KCNH7: variants seen among roughly 807,000 people sequenced by gnomAD.
KCNH7 encodes the protein potassium voltage-gated channel subfamily H member 7.
In KCNH7, 49 loss-of-function variants were observed where a neutral mutation model predicts 120.8. The ratio of observed to expected loss-of-function variants is 0.41; its 90% CI spans 0.32 to 0.51. KCNH7 has a LOEUF of 0.51. Among genes scored for constraint, KCNH7 ranks in the 20% least tolerant of loss-of-function variants. The probability of loss-of-function intolerance (pLI) is 0.38; values close to 1 mark genes in which losing one functional copy is unlikely to be tolerated. For missense variants in KCNH7, 1,097 were observed against 1,446.6 expected, an observed-to-expected ratio of 0.76 and a Z score of 3.92; for synonymous variants, 547 against 516.1, an observed-to-expected ratio of 1.06 and a Z score of -0.81.
rs550092608 is a variant in KCNH7, at chr2:162,736,616, T to C, written c.307+99921A>G. On this transcript the variant is annotated intron_variant, in intron 2 of 15. Coordinates refer to ENST00000332142, the MANE Select transcript of KCNH7 (RefSeq NM_033272.4). ...TACAGCTCACCTATTATAGGTGATG[T>C]GATGCCTTCTAATAACAGGGATTGC... Among the ~76,000 whole-genome samples the C allele has an allele frequency of 8.5e-5, 13 of 152,316 alleles. No homozygotes were observed. In the South Asian group the frequency reaches 1.4e-3, roughly 17 times the overall value.
At chr2:162,446,999 A>G (rs1245741274) in intron 6 of KCNH7, among the ~76,000 whole-genome samples, 2 of 152,126 alleles carry the variant, frequency 1.3e-5, no homozygotes. Context: ...GAAAAAAGGC[A>G]AATGAGATTA....
chr2:162,393,154 T>C (rs1395729777), intron 12 of KCNH7, among the ~76,000 whole-genome samples: 2 of 151,996 alleles, frequency 1.3e-5, no homozygotes, highest in Non-Finnish European at 2.9e-5. Flanking sequence ...CTCCAAGATA[T>C]CTGGCTTGTA....
chr2:162,486,386 C>T (rs1690095457), intron 6 of KCNH7, among the ~76,000 whole-genome samples: 1 of 152,104 alleles, frequency 6.6e-6, no homozygotes, highest in African/African-American at 2.4e-5. Flanking sequence ...ACTCTGCAGC[C>T]CACATTTTTC....
At chr2:162,639,755 C>A (rs1222824287) in intron 2 of KCNH7, among the ~76,000 whole-genome samples, 1 of 152,016 alleles carries the variant, frequency 6.6e-6, no homozygotes, top group African/African-American at 2.4e-5. Context: ...GCACAAGCAT[C>A]CGGATTGGAA....
At chr2:162,436,055 GGAGA>G (rs578055855) in intron 7 of KCNH7, among the ~76,000 whole-genome samples, 134 of 152,080 alleles carry the variant, frequency 8.8e-4, no homozygotes, top group Admixed American at 2.1e-3. Flanking sequence ...AGTCTACTGA[GGAGA>G]GAGAGATTTT....
At chr2:162,463,644 T>C (rs1689221010) in intron 6 of KCNH7, among the ~76,000 whole-genome samples, 1 of 151,992 alleles carries the variant, frequency 6.6e-6, no homozygotes, top group Non-Finnish European at 1.5e-5. Context: ...AGGATGAAGT[T>C]GGTTATTTGA....
In KCNH7 at chr2:162,615,121, T is replaced by C. The variant is rs1387361321; in HGVS notation, c.308-78041A>G. Among the ~76,000 whole-genome samples, 5 of 152,268 alleles carry C rather than the reference T, an allele frequency of 3.3e-5. 1 individual carries two copies. The highest frequency in any genetic ancestry group is 3.3e-4 in the Admixed American group (5 of 15,292). ...TTAATATTTCAAGCTAGCATAGGTA[T>C]ATCACTTGTGGTTTTCATTCACTCG... On this transcript the variant is annotated intron_variant, in intron 2 of 15. Coordinates refer to ENST00000332142, the MANE Select transcript of KCNH7 (RefSeq NM_033272.4).
At chr2:162,576,658 T>A (rs76324062) in intron 2 of KCNH7, among the ~76,000 whole-genome samples, 7 of 37,890 alleles carry the variant, frequency 1.8e-4, no homozygotes, top group Non-Finnish European at 2.8e-4. Flanking sequence ...TTTTTTGGGG[T>A]TTTTTTTTCC....
intron 2 of KCNH7, among the ~76,000 whole-genome samples, chr2:162,751,946 C>T (rs577488078): frequency 5.8e-4 from 88 of 152,062 alleles, no homozygotes; most frequent in African/African-American, 2.1e-3. Context: ...ATATTTTTAA[C>T]ACTAGAATAA....
At chr2:162,430,249 C>A (rs1415147202) in intron 8 of KCNH7, among the ~76,000 whole-genome samples, 6 of 151,914 alleles carry the variant, frequency 3.9e-5, no homozygotes, top group Non-Finnish European at 1.5e-5. Flanking sequence ...TGAAAATCTC[C>A]CACATCTATG....
Position 162,707,821 on chromosome 2 carries a change from C to T in KCNH7, c.307+128716G>A, listed in dbSNP as rs554896130. Among the ~76,000 whole-genome samples the T allele has an allele frequency of 7.8e-4, 118 of 152,228 alleles. 1 individual carries two copies. Among genetic ancestry groups the T allele is most frequent in the African/African-American group, 2.4e-3 (100 of 41,566 alleles). On this transcript the variant is annotated intron_variant, in intron 2 of 15. Transcript: ENST00000332142. ...GATCAGTTCTGGCCAGACTGACCTCCTGGTGGTTTCTAGAATAAGCAGATA... is the reference window on the plus strand; with the variant it reads ...GATCAGTTCTGGCCAGACTGACCTCTTGGTGGTTTCTAGAATAAGCAGATA...
intron 2 of KCNH7, among the ~76,000 whole-genome samples, chr2:162,545,963 G>A (rs979934437): frequency 8.5e-5 from 13 of 152,146 alleles, no homozygotes; most frequent in Admixed American, 2.0e-4. Flanking sequence ...AGGTGTTAGG[G>A]TCTTTTCATA....
intron 2 of KCNH7, among the ~76,000 whole-genome samples, chr2:162,697,492 G>C (rs1686334831): frequency 6.6e-6 from 1 of 152,020 alleles, no homozygotes; most frequent in Non-Finnish European, 1.5e-5. Flanking sequence ...ATACAAAATG[G>C]GATGAGAACT....
chr2:162,573,563 T>C (rs1389940730), intron 2 of KCNH7, among the ~76,000 whole-genome samples: 2 of 152,046 alleles, frequency 1.3e-5, no homozygotes, highest in Non-Finnish European at 2.9e-5. Context: ...ATTCATAAGA[T>C]ATGTATTATT....
intron 2 of KCNH7, among the ~76,000 whole-genome samples, chr2:162,668,993 G>A (rs763846846): frequency 3.3e-5 from 5 of 152,084 alleles, no homozygotes; most frequent in Admixed American, 6.6e-5. Context: ...AAAAATTAGA[G>A]GGTAGATATA....
intron 14 of KCNH7, among the ~76,000 whole-genome samples, chr2:162,377,384 T>C (rs1576319198): frequency 6.6e-6 from 1 of 152,188 alleles, no homozygotes. Context: ...GGAAAAGATA[T>C]TTATATGGGA....
intron 8 of KCNH7, among the ~76,000 whole-genome samples, chr2:162,430,575 C>T (rs924054790): frequency 6.6e-6 from 1 of 152,030 alleles, no homozygotes; most frequent in Non-Finnish European, 1.5e-5. Flanking sequence ...CAAGATAACA[C>T]GTGGCCCATA....
chr2:162,546,938 T>C (rs745981660), intron 2 of KCNH7, among the ~76,000 whole-genome samples: 2 of 152,070 alleles, frequency 1.3e-5, no homozygotes, highest in Non-Finnish European at 2.9e-5. Flanking sequence ...TAAAAGGTTT[T>C]GTGAGGGAAG....
intron 2 of KCNH7, among the ~76,000 whole-genome samples, chr2:162,558,150 A>G (rs1293831676): frequency 1.3e-5 from 2 of 151,786 alleles, no homozygotes; most frequent in East Asian, 3.9e-4. Context: ...GAAGATTAAA[A>G]TGTGGGTTTT....
Sources: allele counts gnomAD v4.1 joint callset (sites outside exome capture counted in the v4.1 genomes callset), GRCh38; gene constraint gnomAD v4.1.1; transcripts MANE v1.5; gene names NCBI Gene and HGNC (gene_info 2026-07-23, HGNC 2026-07-21).